The following PCDHGB5 variants were observed in gnomAD, a reference collection of about 807,000 sequenced individuals.
PCDHGB5 encodes the protein protocadherin gamma-B5.
In PCDHGB5, 48 loss-of-function variants were observed where a neutral mutation model predicts 62.9. The observed-to-expected ratio is 0.76, with a 90% confidence interval of 0.61 to 0.97. The LOEUF (loss-of-function observed/expected upper bound fraction) is 0.97, where lower values mean the gene tolerates loss of function less well. PCDHGB5 is among the 50% of genes least tolerant of loss of function. The pLI, the probability that PCDHGB5 is intolerant of heterozygous loss-of-function variation, is 0.00. For synonymous variants in PCDHGB5, 474 were observed against 511.2 expected (o/e 0.93, Z 0.98); for missense variants, 1,118 against 1,198.6 (o/e 0.93, Z 0.99).
At chr5:141,499,271 T>C (rs2099790752) in intron 2 of PCDHGB5, among the ~76,000 whole-genome samples, 1 of 152,180 alleles carries the variant, frequency 6.6e-6, no homozygotes, top group South Asian at 2.1e-4. Context: ...GTCCCTAGAC[T>C]GTTCTCTGAT....
At chr5:141,410,535 A>T (rs2095405545) in intron 1 of PCDHGB5, 9 of 1,613,752 alleles carry the variant, frequency 5.6e-6, no homozygotes, top group Non-Finnish European at 7.6e-6. Context: ...TCCAATGAAG[A>T]CATGGTTTGC....
intron 1 of PCDHGB5, among the ~76,000 whole-genome samples, chr5:141,464,913 A>T (rs1035542028): frequency 1.3e-4 from 19 of 151,426 alleles, no homozygotes; most frequent in Admixed American, 1.2e-3. Context: ...TAATTTTTTT[A>T]TTTTTTTGTA....
chr5:141,398,171 C>T lies in PCDHGB5; in HGVS notation c.44C>T (p.Pro15Leu), dbSNP rs773536231. 3 of 1,476,352 alleles carry T rather than the reference C, an allele frequency of 2.0e-6. No individual in the cohort carries two copies. The highest frequency in any genetic ancestry group is 2.7e-6 in the Non-Finnish European group (3 of 1,112,450). 91.5% of individuals were successfully genotyped at this position (1,476,352 alleles called of 1,614,324 possible). The change falls in exon 1 of 4, where the codon CCA becomes CTA. Residue 15 changes from proline (P) to leucine (L), a missense_variant. By Grantham distance (98) the Pro-to-Leu change is moderately conservative (BLOSUM62 -3). Around this residue, in one of 2 missense-constraint regions of PCDHGB5, gnomAD observed 84 missense variants for 169.5 expected, o/e 0.50. Coordinates refer to ENST00000617380, the MANE Select transcript of PCDHGB5 (RefSeq NM_018925.3). The stretch of plus-strand genomic sequence containing the variant: ...GAGCTGGGCCGGGCTGAGAGGCTGC[C>T]AGTGCTCTTTCTCTTCCTGCTGTCT... ...AGELGRAERL[P>L]VLFLFLLSLF...
chr5:141,420,199 C>T (rs764130526), intron 1 of PCDHGB5: 12 of 1,613,362 alleles, frequency 7.4e-6, no homozygotes, highest in Non-Finnish European at 1.0e-5. Context: ...CACAAGATAA[C>T]CTCAACAAAG....
At chr5:141,510,132 G>A (rs920772998) in intron 3 of PCDHGB5, among the ~76,000 whole-genome samples, 2 of 152,120 alleles carry the variant, frequency 1.3e-5, no homozygotes, top group African/African-American at 4.8e-5. Context: ...AAATTAGCTG[G>A]GCTAGTGGTG....
chr5:141,410,251 C>T, intron 1 of PCDHGB5: 1 of 1,614,016 alleles, frequency 6.2e-7, no homozygotes, highest in Non-Finnish European at 8.5e-7. Flanking sequence ...TACTCTCTGA[C>T]CCCCAGGCTG....
rs1344998245 is a variant in PCDHGB5 at position 141,400,678 on chromosome 5, T to C, written c.2397+154T>C. 7.9e-6 allele frequency: 7 copies of C among 881,884 alleles called. No homozygotes were observed. The East Asian group carries it at 1.5e-4, about 19-fold the overall frequency. The allele number at this position is 881,884 out of a possible 1,614,324, so 54.6% of individuals were successfully genotyped here. On this transcript the variant is annotated intron_variant, in intron 1 of 3. Coordinates refer to ENST00000617380, the MANE Select transcript of PCDHGB5 (RefSeq NM_018925.3). ...ACCATTCTTTAAGAGGAGCAGTAAA[T>C]TGTGAGTTTTTATGTCGCATAAAAG...
Position 141,404,312 on chromosome 5 carries a change from C to T in PCDHGB5, c.2397+3788C>T. On this transcript the variant is annotated intron_variant, in intron 1 of 3. Transcript: ENST00000617380. ...CAATGATAATCCACCTGCTTTCTCT[C>T]AAGCCTCCTACTCAGTCTACCTCCC... is the stretch of plus-strand genomic sequence containing the variant. 1.9e-6 allele frequency: 3 copies of T among 1,613,956 alleles called. No individual in the cohort carries two copies. The Middle Eastern group carries it at 4.9e-4, about 266-fold the overall frequency.
Position 141,414,386 on chromosome 5 carries a change from G to A in PCDHGB5, c.2397+13862G>A, listed in dbSNP as rs746637010. On this transcript the variant is annotated intron_variant, in intron 1 of 3. Transcript: ENST00000617380. ...TTTAAATTAGAAAAGTCCATTGACA[G>A]TTATTACAGATTGGTGATACACAGA... is the stretch of plus-strand genomic sequence containing the variant. The A allele has an allele frequency of 1.9e-6, 3 of 1,613,906 alleles. No homozygotes were observed. The Admixed American group carries it at 5.0e-5, about 27-fold the overall frequency.
At chr5:141,479,476 G>A (rs1481785254) in intron 1 of PCDHGB5, 1 of 152,250 alleles carries the variant, frequency 6.6e-6, no homozygotes, top group African/African-American at 2.4e-5. Context: ...CCTCTTGGGA[G>A]GGCAGGACCA....
chr5:141,419,032 A>G (rs1421513275), intron 1 of PCDHGB5: 2 of 1,614,004 alleles, frequency 1.2e-6, no homozygotes, highest in Non-Finnish European at 1.7e-6. Flanking sequence ...GAGGTGTTCC[A>G]TTTAAGATTC....
intron 2 of PCDHGB5, among the ~76,000 whole-genome samples, chr5:141,502,358 TA>T (rs1283802909): frequency 6.6e-6 from 1 of 152,134 alleles, no homozygotes; most frequent in African/African-American, 2.4e-5. Context: ...ATGACATGGA[TA>T]TTTTTAAAGA....
chr5:141,427,654 T>C (rs2097054872), intron 1 of PCDHGB5: 3 of 727,622 alleles, frequency 4.1e-6, no homozygotes, highest in Non-Finnish European at 7.4e-6. Context: ...TCCTACGTGG[T>C]CCACGTGGCC....
intron 1 of PCDHGB5, among the ~76,000 whole-genome samples, chr5:141,458,663 G>A (rs1045303205): frequency 2.6e-5 from 4 of 151,804 alleles, no homozygotes; most frequent in Admixed American, 6.6e-5. Context: ...TCCACCTCTC[G>A]GGTTCAAGCA....
Position 141,493,701 on chromosome 5 carries a change from C to G in PCDHGB5, c.2398-1106C>G, listed in dbSNP as rs2099749680. 6.6e-6 allele frequency among the ~76,000 whole-genome samples: 1 copy of G among 152,172 alleles called. No homozygotes were observed. Among genetic ancestry groups the G allele is most frequent in the Admixed American group, 6.5e-5 (1 of 15,286 alleles). On this transcript the variant is annotated intron_variant, in intron 1 of 3. Coordinates refer to ENST00000617380, the MANE Select transcript of PCDHGB5 (RefSeq NM_018925.3). This position sits in a 1 kb window ranked among gnomAD's most constrained non-coding sequence, Gnocchi z 4.3. Reference sequence around the variant, plus strand: ...ATGGTGCTGGTGACTCCCGATACACCTGGAATGCTAGGTTTCTGGGTTCTG... The same window carrying G: ...ATGGTGCTGGTGACTCCCGATACACGTGGAATGCTAGGTTTCTGGGTTCTG...
rs2096271749 is a variant in PCDHGB5, at chr5:141,418,581, T to G, written c.2397+18057T>G. On this transcript the variant is annotated intron_variant, in intron 1 of 3. Coordinates refer to ENST00000617380, the MANE Select transcript of PCDHGB5 (RefSeq NM_018925.3). The stretch of plus-strand genomic sequence containing the variant: ...ATAGATGCCAATGACAACCCCCCAG[T>G]GTTCAGCCAGGACGTGTACAGGGTT... The G allele has an allele frequency of 2.5e-6, 4 of 1,613,854 alleles. No homozygotes were observed. The South Asian group carries it at 4.4e-5, about 18-fold the overall frequency.
At chr5:141,428,185 G>A (rs775261215) in intron 1 of PCDHGB5, 1 of 1,446,348 alleles carries the variant, frequency 6.9e-7, no homozygotes, top group Admixed American at 1.8e-5. Context: ...GAGGACAGCC[G>A]CCGCTCTCTG....
In PCDHGB5 at chr5:141,399,784, G is replaced by A; in HGVS notation, c.1657G>A (p.Asp553Asn). The stretch of plus-strand genomic sequence containing the variant: ...GCGCGTGTTGGTGGGCGACCGAAAC[G>A]ACAACGCACCGCGGGTGCTGTACCC... The part of the protein sequence containing the change: ...SLRVLVGDRN[D>N]NAPRVLYPAL... Residue 553 changes from aspartate to asparagine, a missense_variant, in exon 1 of 4, where the codon GAC becomes AAC. By Grantham distance (23) the Asp-to-Asn change is conservative. Transcript: ENST00000617380. 1 of 1,613,288 alleles carries A rather than the reference G, an allele frequency of 6.2e-7. No individual in the cohort carries two copies. The highest frequency in any genetic ancestry group is 8.5e-7 in the Non-Finnish European group (1 of 1,179,764).
At position 141,398,975 on chromosome 5, in the gene PCDHGB5, G is replaced by A; in HGVS notation, c.848G>A (p.Arg283Lys). ...INSEITYSFY[R>K]TGQIFSLNSK... is the part of the protein sequence containing the mutation. ...TCAGAAATTACTTATTCCTTCTACA[G>A]AACCGGGCAAATCTTTAGTCTGAAT... is the stretch of plus-strand genomic sequence containing the variant. Residue 283 changes from arginine to lysine, a missense_variant, in exon 1 of 4, where the codon AGA (arginine) becomes AAA (lysine). By Grantham distance (26) the Arg-to-Lys change is conservative. Coordinates refer to ENST00000617380, the MANE Select transcript of PCDHGB5 (RefSeq NM_018925.3). 2 of 1,613,926 alleles carry A rather than the reference G, an allele frequency of 1.2e-6. No homozygotes were observed. The highest frequency in any genetic ancestry group is 1.6e-4 in the Middle Eastern group (1 of 6,062).
Sources: allele counts gnomAD v4.1 joint callset (sites outside exome capture counted in the v4.1 genomes callset), GRCh38; gene constraint gnomAD v4.1.1; regional missense constraint gnomAD v4.1.1; non-coding constraint Gnocchi (gnomAD v3.1); transcripts MANE v1.5; gene names NCBI Gene and HGNC (gene_info 2026-07-23, HGNC 2026-07-21).